Variants in PDE5A observed in about 807,000 individuals in gnomAD.
The protein encoded by PDE5A is phosphodiesterase 5A.
In PDE5A, 67 loss-of-function variants were observed where a neutral mutation model predicts 110.2. The ratio of observed to expected loss-of-function variants is 0.61; its 90% CI spans 0.50 to 0.75. The LOEUF is 0.75. PDE5A is among the 30% of genes least tolerant of loss of function. PDE5A has a pLI of 0.00. For missense variants in PDE5A, 862 were observed against 1,045.1 expected (o/e 0.82, Z 2.42); for synonymous variants, 328 against 351.2 (o/e 0.93, Z 0.74).
chr4:119,501,960 A>C (rs897785840), intron 19 of PDE5A, among the ~76,000 whole-genome samples: 3 of 152,044 alleles, frequency 2.0e-5, no homozygotes, highest in African/African-American at 7.2e-5. Flanking sequence ...AACATCTATG[A>C]TAGATGAAAC....
At chr4:119,580,541 T>A (rs544192257) in intron 3 of PDE5A, among the ~76,000 whole-genome samples, 4 of 152,190 alleles carry the variant, frequency 2.6e-5, no homozygotes, top group Non-Finnish European at 5.9e-5. Context: ...AAGGAGGAAA[T>A]GGACATTTTC....
chr4:119,524,735 C>G (rs1726246928), intron 12 of PDE5A, among the ~76,000 whole-genome samples: 1 of 152,034 alleles, frequency 6.6e-6, no homozygotes, highest in Admixed American at 6.6e-5. Flanking sequence ...ACTAGACATT[C>G]AACTGATCAG....
At chr4:119,501,361 A>C in intron 19 of PDE5A, 108 bp from the exon 20 acceptor site, 1 of 690,426 alleles carries the variant, frequency 1.4e-6, no homozygotes, top group South Asian at 1.7e-5. Context: ...TCCAGGCTGG[A>C]GTGCAGTGGC....
chr4:119,573,446 C>CT (rs1728210922), intron 3 of PDE5A, among the ~76,000 whole-genome samples: 7 of 152,102 alleles, frequency 4.6e-5, no homozygotes, highest in Admixed American at 4.6e-4. Context: ...GAATGAACAT[C>CT]TTTTTTATTG....
intron 7 of PDE5A, among the ~76,000 whole-genome samples, chr4:119,559,702 C>G (rs995285808): frequency 3.8e-4 from 58 of 152,076 alleles, no homozygotes; most frequent in Admixed American, 3.8e-3. Flanking sequence ...GTCAAATCTG[C>G]TAGAAAATGC....
chr4:119,624,689 C>T (rs1042192344), intron 1 of PDE5A, among the ~76,000 whole-genome samples: 3 of 152,162 alleles, frequency 2.0e-5, no homozygotes, highest in African/African-American at 4.8e-5. Flanking sequence ...AAACATCACC[C>T]ACAATCACAG....
At chr4:119,519,668 A>G (rs1454160009) in intron 13 of PDE5A, 1 of 152,176 alleles carries the variant, frequency 6.6e-6, no homozygotes. Context: ...TATTATCATT[A>G]ATACTGTTCC....
At chr4:119,576,996 T>A (rs971069729) in intron 3 of PDE5A, among the ~76,000 whole-genome samples, 1 of 151,982 alleles carries the variant, frequency 6.6e-6, no homozygotes, top group African/African-American at 2.4e-5. Context: ...TAAAAAATGA[T>A]AAAGGGGAAA....
At chr4:119,529,456 A>G (rs1726453943) in intron 11 of PDE5A, among the ~76,000 whole-genome samples, 2 of 152,076 alleles carry the variant, frequency 1.3e-5, no homozygotes, top group Admixed American at 1.3e-4. Context: ...TTCCAGATAG[A>G]TTTGGTTTCG....
rs537700446 is a variant in PDE5A, at chr4:119,598,326, G to A, written c.742-1714C>T. On this transcript the variant is annotated intron_variant, in intron 2 of 20. Transcript: ENST00000354960. ...ATTTCACTCTCCAGTGAAGAGGGTG[G>A]GAATAAATACATCCTTCAAATTTCA... 3.9e-5 allele frequency among the ~76,000 whole-genome samples: 6 copies of A among 152,140 alleles called. 1 individual carries two copies. In the East Asian group the frequency reaches 9.7e-4, roughly 25 times the overall value.
At chr4:119,554,537 T>C (rs1727475457) in intron 7 of PDE5A, among the ~76,000 whole-genome samples, 1 of 152,152 alleles carries the variant, frequency 6.6e-6, no homozygotes, top group African/African-American at 2.4e-5. Context: ...CTTGTGGTGA[T>C]GATAAATTCA....
chr4:119,524,092 TATAG>T (rs1726225962), intron 12 of PDE5A, among the ~76,000 whole-genome samples: 2 of 152,070 alleles, frequency 1.3e-5, no homozygotes, highest in Non-Finnish European at 2.9e-5. Flanking sequence ...AACAGAATAT[TATAG>T]ATAAGTACAT....
chr4:119,504,146 TTA>T (rs2110455220), intron 18 of PDE5A, among the ~76,000 whole-genome samples: 1 of 152,158 alleles, frequency 6.6e-6, no homozygotes, highest in African/African-American at 2.4e-5. Context: ...ATTTCCATCT[TTA>T]TGTCCGTGTG....
chr4:119,607,861 C>A (rs930666058), intron 1 of PDE5A, among the ~76,000 whole-genome samples: 3 of 152,166 alleles, frequency 2.0e-5, no homozygotes, highest in African/African-American at 7.2e-5. Context: ...GCATACCAAG[C>A]ATAAAGTCTG....
At chr4:119,563,070 G>T in intron 5 of PDE5A, 100 bp from the exon 6 acceptor site, 1 of 956,880 alleles carries the variant, frequency 1.0e-6, no homozygotes, top group Non-Finnish European at 1.5e-6. Context: ...AACCTAGCAG[G>T]TTATGATCAA....
intron 10 of PDE5A, 94 bp from the exon 11 acceptor site, chr4:119,539,113 G>C: frequency 2.1e-6 from 2 of 958,216 alleles, no homozygotes; most frequent in South Asian, 2.6e-5. Flanking sequence ...AGTCTTCTTG[G>C]AGAGATAATT....
chr4:119,595,828 A>G (rs1436379144), intron 3 of PDE5A, among the ~76,000 whole-genome samples: 2 of 152,150 alleles, frequency 1.3e-5, no homozygotes, highest in African/African-American at 4.8e-5. Context: ...CATATATCCT[A>G]TTGATTCTGT....
intron 11 of PDE5A, among the ~76,000 whole-genome samples, chr4:119,529,184 C>T (rs1351695377): frequency 6.6e-6 from 1 of 151,792 alleles, no homozygotes; most frequent in African/African-American, 2.4e-5. Flanking sequence ...AATTAATAAT[C>T]TCTCTCACAA....
Position 119,497,291 on chromosome 4 carries a change from C to G in PDE5A, c.*1310G>C, listed in dbSNP as rs957699331. On this transcript the variant is annotated 3_prime_UTR_variant, in exon 21 of 21. Coordinates refer to ENST00000354960, the MANE Select transcript of PDE5A (RefSeq NM_001083.4). The stretch of plus-strand genomic sequence containing the variant: ...AAATTTTCCTTTCCTAGACCAGTTG[C>G]TTAATTCATTATCTACTTCTCCAAT... 5.3e-5 allele frequency: 8 copies of G among 152,104 alleles called. No homozygotes were observed. Among genetic ancestry groups the G allele is most frequent in the African/African-American group, 1.9e-4 (8 of 41,422 alleles). 9.4% of individuals were successfully genotyped at this position (152,104 alleles called of 1,614,324 possible). A position where few individuals can be genotyped will look rare whatever the true frequency, so the allele number is the denominator to read the frequency against.
Sources: allele counts gnomAD v4.1 joint callset (sites outside exome capture counted in the v4.1 genomes callset), GRCh38; gene constraint gnomAD v4.1.1; transcripts MANE v1.5; gene names NCBI Gene and HGNC (gene_info 2026-07-23, HGNC 2026-07-21).